FAT4: variants seen among roughly 807,000 people sequenced by gnomAD.
The protein encoded by FAT4 is FAT atypical cadherin 4.
Under a neutral mutation model 303.9 loss-of-function variants are expected in FAT4, and 84 were observed. That is an observed-to-expected ratio of 0.28 (90% confidence interval 0.23 to 0.33). The LOEUF is 0.33. Among genes scored for constraint, FAT4 ranks in the 10% least tolerant of loss-of-function variants. The probability of loss-of-function intolerance (pLI) is 1.00; values close to 1 mark genes in which losing one functional copy is unlikely to be tolerated. For synonymous variants in FAT4, 2,307 were observed against 2,298.8 expected (o/e 1.00, Z -0.10); for missense variants, 6,005 against 6,146.8 (o/e 0.98, Z 0.77).
chr4:125,363,997 G>T (rs1186463057), intron 2 of FAT4, among the ~76,000 whole-genome samples: 1 of 152,056 alleles, frequency 6.6e-6, no homozygotes. Context: ...AGTCTACTGT[G>T]CATTACAATC....
At chr4:125,354,675 A>T (rs982318874) in intron 2 of FAT4, among the ~76,000 whole-genome samples, 2 of 151,404 alleles carry the variant, frequency 1.3e-5, no homozygotes, top group African/African-American at 4.8e-5. Context: ...TTCAACAGGA[A>T]AATGTGTGTG....
At chr4:125,373,993 A>G (rs1158132944) in intron 2 of FAT4, among the ~76,000 whole-genome samples, 1 of 152,210 alleles carries the variant, frequency 6.6e-6, no homozygotes, top group Non-Finnish European at 1.5e-5. Context: ...CATATTTGTT[A>G]TAGGGTGAAA....
At chr4:125,373,620 A>C (rs1733205317) in intron 2 of FAT4, among the ~76,000 whole-genome samples, 1 of 152,182 alleles carries the variant, frequency 6.6e-6, no homozygotes, top group African/African-American at 2.4e-5. Flanking sequence ...ATTTTGACAA[A>C]CACTGTGCTG....
chr4:125,441,034 C>T (rs1725645069), intron 8 of FAT4, among the ~76,000 whole-genome samples: 1 of 151,460 alleles, frequency 6.6e-6, no homozygotes. Flanking sequence ...CATGCCTGTA[C>T]TATTATAATA....
intron 10 of FAT4, among the ~76,000 whole-genome samples, chr4:125,456,283 G>A (rs989483077): frequency 6.6e-6 from 1 of 152,110 alleles, no homozygotes; most frequent in Non-Finnish European, 1.5e-5. Flanking sequence ...TCCAGGGCCA[G>A]AGCTGCCAAA....
rs1163702562 is a variant in FAT4 at position 125,491,540 on chromosome 4, G to A, written c.14724G>A (p.Gln4908=). The A allele has an allele frequency of 6.2e-7, 1 of 1,614,220 alleles. No homozygotes were observed. The highest frequency in any genetic ancestry group is 8.5e-7 in the Non-Finnish European group (1 of 1,180,028). Residue 4908 remains glutamine, a synonymous_variant, in exon 18 of 18, where the codon CAG becomes CAA. Transcript: ENST00000394329. ...CCGAGGGAGGACCTGTGGGCACCCA[G>A]GCAGCAGCACCAGGCACTGCTGACA... ...RRAEGGPVGT[Q]AAAPGTADNT...
At chr4:125,324,493 G>A (rs1459608732) in intron 2 of FAT4, among the ~76,000 whole-genome samples, 1 of 152,132 alleles carries the variant, frequency 6.6e-6, no homozygotes, top group Non-Finnish European at 1.5e-5. Flanking sequence ...CCAGAGAAAA[G>A]CTGAGGAAAT....
In FAT4 at chr4:125,490,923, C is replaced by T. The variant is rs772655000; in HGVS notation, c.14107C>T (p.His4703Tyr). Reference sequence around the variant, plus strand: ...CCCAACTCCCAACCCTCTGTCTCGACACAGTCCAGCCCCTTTCTCCAAATC... The same window carrying T: ...CCCAACTCCCAACCCTCTGTCTCGATACAGTCCAGCCCCTTTCTCCAAATC... Reference protein sequence around the residue: ...ACPTPNPLSRHSPAPFSKSST... With the variant: ...ACPTPNPLSRYSPAPFSKSST... Residue 4703 changes from histidine (H) to tyrosine (Y), a missense_variant, in exon 18 of 18, where the codon CAC becomes TAC. Coordinates refer to ENST00000394329, the MANE Select transcript of FAT4 (RefSeq NM_001291303.3). The T allele has an allele frequency of 1.2e-6, 2 of 1,614,210 alleles. No homozygotes were observed. The highest frequency in any genetic ancestry group is 1.1e-5 in the South Asian group (1 of 91,084).
rs1725817632 is a variant in FAT4 at position 125,446,116 on chromosome 4, G to A, written c.7200-177G>A. The A allele has an allele frequency of 5.5e-6, 3 of 548,090 alleles. No individual in the cohort carries two copies. In the African/African-American group the frequency reaches 5.7e-5, roughly 10 times the overall value. The allele number at this position is 548,090 out of a possible 1,614,324, so 34.0% of individuals were successfully genotyped here. ...TCACGATAAAGACTGTCAATGTGAT[G>A]TTCACAGAAAATTTGAAATATTTAT... On this transcript the variant is annotated intron_variant, in intron 8 of 17. Coordinates refer to ENST00000394329, the MANE Select transcript of FAT4 (RefSeq NM_001291303.3).
At chr4:125,478,236 T>C (rs1727101190) in intron 14 of FAT4, among the ~76,000 whole-genome samples, 1 of 152,146 alleles carries the variant, frequency 6.6e-6, no homozygotes, top group African/African-American at 2.4e-5. Flanking sequence ...TGCCTTTCTT[T>C]TCCTACATGT....
intron 11 of FAT4, among the ~76,000 whole-genome samples, chr4:125,465,708 A>G (rs376561114): frequency 5.3e-5 from 8 of 152,170 alleles, no homozygotes; most frequent in East Asian, 3.9e-4. Flanking sequence ...GAATAGCACA[A>G]TGTAAATTAA....
At position 125,451,104 on chromosome 4, in the gene FAT4, G is replaced by C; in HGVS notation, c.10094G>C (p.Arg3365Pro). ...ATTTATGTTTCTGGAATTCTTGATCGAGAAAAAGAAGAAAGGGTGTCTTTG... is the reference window on the plus strand; with the variant it reads ...ATTTATGTTTCTGGAATTCTTGATCCAGAAAAAGAAGAAAGGGTGTCTTTG... ...GQIYVSGILD[R>P]EKEERVSLKV... Residue 3365 changes from arginine to proline, a missense_variant, in exon 10 of 18, where the codon CGA becomes CCA. Coordinates refer to ENST00000394329, the MANE Select transcript of FAT4 (RefSeq NM_001291303.3). 6.2e-7 allele frequency: 1 copy of C among 1,614,078 alleles called. No homozygotes were observed. The highest frequency in any genetic ancestry group is 8.5e-7 in the Non-Finnish European group (1 of 1,180,012).
chr4:125,367,630 C>T (rs1424555841), intron 2 of FAT4, among the ~76,000 whole-genome samples: 2 of 152,070 alleles, frequency 1.3e-5, no homozygotes, highest in Non-Finnish European at 2.9e-5. Flanking sequence ...CTAGTTTTTT[C>T]AACCGTATAT....
chr4:125,402,105 A>G (rs1403342358), intron 3 of FAT4, among the ~76,000 whole-genome samples: 1 of 151,938 alleles, frequency 6.6e-6, no homozygotes, highest in Non-Finnish European at 1.5e-5. Context: ...CTGATTTTGA[A>G]TATGAAAAAG....
At chr4:125,351,820 A>G (rs1447591807) in intron 2 of FAT4, among the ~76,000 whole-genome samples, 1 of 151,656 alleles carries the variant, frequency 6.6e-6, no homozygotes, top group Non-Finnish European at 1.5e-5. Flanking sequence ...TCCTACCAGA[A>G]ATACTCATCC....
At chr4:125,341,328 G>A (rs28595159) in intron 2 of FAT4, among the ~76,000 whole-genome samples, 9,469 of 152,082 alleles carry the variant, frequency 0.062, 986 homozygotes, top group African/African-American at 0.21. Context: ...TAAAAGAGGT[G>A]GCCTGAGGCA....
At chr4:125,368,038 A>G (rs1732952404) in intron 2 of FAT4, among the ~76,000 whole-genome samples, 1 of 152,148 alleles carries the variant, frequency 6.6e-6, no homozygotes. Context: ...GACTTTCTAA[A>G]TAGGCAATTT....
In FAT4 at chr4:125,317,232, C is replaced by A; in HGVS notation, c.821C>A (p.Ala274Glu). The A allele has an allele frequency of 6.3e-7, 1 of 1,579,158 alleles. No homozygotes were observed. ...GGTTCCAGCGTCCTCCAGGTGGCGGCGGCGGACGCGGACGAGGGCACCAAC... is the reference window on the plus strand; with the variant it reads ...GGTTCCAGCGTCCTCCAGGTGGCGGAGGCGGACGCGGACGAGGGCACCAAC... ...VVGSSVLQVA[A>E]ADADEGTNAD... Residue 274 changes from alanine (A) to glutamate (E), a missense_variant, in exon 2 of 18, where the codon GCG becomes GAG. Physicochemically the swap from Ala to Glu is moderately radical, Grantham distance 107. Coordinates refer to ENST00000394329, the MANE Select transcript of FAT4 (RefSeq NM_001291303.3). The surrounding 1 kb of genome is among the most constrained non-coding windows in gnomAD (Gnocchi z 7.0).
rs1725907026 is a variant in FAT4 at position 125,448,503 on chromosome 4, G to C, written c.7493G>C (p.Gly2498Ala). 6.2e-7 allele frequency: 1 copy of C among 1,612,442 alleles called. No homozygotes were observed. The highest frequency in any genetic ancestry group is 1.7e-5 in the Admixed American group (1 of 59,852). ...GTTACAGTCACAGATGCTGATATTGGACCAAATTCTGAACTGCATTATTCT... is the reference window on the plus strand; with the variant it reads ...GTTACAGTCACAGATGCTGATATTGCACCAAATTCTGAACTGCATTATTCT... ...FAVTVTDADI[G>A]PNSELHYSLS... The change falls in exon 10 of 18, where the codon GGA (glycine) becomes GCA (alanine). Residue 2498 changes from glycine to alanine, a missense_variant. By Grantham distance (60) the Gly-to-Ala change is moderately conservative. Transcript: ENST00000394329.
Sources: allele counts gnomAD v4.1 joint callset (sites outside exome capture counted in the v4.1 genomes callset), GRCh38; gene constraint gnomAD v4.1.1; non-coding constraint Gnocchi (gnomAD v3.1); transcripts MANE v1.5; gene names NCBI Gene and HGNC (gene_info 2026-07-23, HGNC 2026-07-21).